The following ROBO1 variants were observed in gnomAD, a reference collection of about 807,000 sequenced individuals.
ROBO1 encodes the protein roundabout homolog 1.
Under a neutral mutation model 195.9 loss-of-function variants are expected in ROBO1, and 149 were observed. That is an observed-to-expected ratio of 0.76 (90% CI 0.67 to 0.87). ROBO1 has a LOEUF of 0.87. ROBO1 is among the 40% of genes least tolerant of loss of function. The pLI, the probability that ROBO1 is intolerant of heterozygous loss-of-function variation, is 0.00. For synonymous variants in ROBO1, 816 were observed against 733.2 expected, an observed-to-expected ratio of 1.11 and a Z score of -1.82; for missense variants, 1,933 against 2,068.3, an observed-to-expected ratio of 0.93 and a Z score of 1.27.
chr3:79,238,305 G>T (rs962435050), intron 2 of ROBO1, among the ~76,000 whole-genome samples: 1 of 152,068 alleles, frequency 6.6e-6, no homozygotes, highest in South Asian at 2.1e-4. Context: ...AAATATTACC[G>T]CTATCCCATC....
chr3:79,356,378 G>A (rs1159121771), intron 2 of ROBO1, among the ~76,000 whole-genome samples: 1 of 151,790 alleles, frequency 6.6e-6, no homozygotes, highest in Non-Finnish European at 1.5e-5. Context: ...TATTTTAACA[G>A]AGATGATACA....
intron 2 of ROBO1, among the ~76,000 whole-genome samples, chr3:79,348,918 G>A (rs190191028): frequency 4.0e-4 from 61 of 152,142 alleles, no homozygotes; most frequent in East Asian, 2.9e-3. Flanking sequence ...ATGAAAACGC[G>A]AAAGTTTAAC....
chr3:79,692,469 A>G (rs1947324651), intron 1 of ROBO1, among the ~76,000 whole-genome samples: 1 of 151,888 alleles, frequency 6.6e-6, no homozygotes, highest in Non-Finnish European at 1.5e-5. Flanking sequence ...AGGAGCAAGT[A>G]GAAGGAAACT....
chr3:79,101,381 C>A (rs533460629), intron 3 of ROBO1, among the ~76,000 whole-genome samples: 2 of 151,858 alleles, frequency 1.3e-5, no homozygotes, highest in African/African-American at 2.4e-5. Flanking sequence ...TCACTGTAAA[C>A]AAAATTTTAC....
chr3:78,916,711 A>C (rs1457005383), intron 4 of ROBO1, among the ~76,000 whole-genome samples: 1 of 152,208 alleles, frequency 6.6e-6, no homozygotes, highest in Non-Finnish European at 1.5e-5. Flanking sequence ...GTATGGTATT[A>C]TAATCATTCG....
intron 10 of ROBO1, among the ~76,000 whole-genome samples, chr3:78,675,924 C>A (rs1305440292): frequency 6.6e-6 from 1 of 152,070 alleles, no homozygotes; most frequent in Non-Finnish European, 1.5e-5. Flanking sequence ...GGAGGCACCC[C>A]CAAGTAGGGG....
At chr3:79,285,994 G>C (rs1022655188) in intron 2 of ROBO1, among the ~76,000 whole-genome samples, 1 of 152,162 alleles carries the variant, frequency 6.6e-6, no homozygotes, top group South Asian at 2.1e-4. Flanking sequence ...ATTATTTGAA[G>C]TCTATTCTGG....
At chr3:79,763,986 G>T (rs1213328771) in intron 1 of ROBO1, among the ~76,000 whole-genome samples, 2 of 152,188 alleles carry the variant, frequency 1.3e-5, no homozygotes, top group Non-Finnish European at 2.9e-5. Context: ...TACTAGAAAA[G>T]CATGTACTCT....
intron 2 of ROBO1, among the ~76,000 whole-genome samples, chr3:79,577,993 CA>C (rs962162284): frequency 6.6e-6 from 1 of 151,830 alleles, no homozygotes; most frequent in Non-Finnish European, 1.5e-5. Flanking sequence ...AAAAAGTGGG[CA>C]AAAAGTCTGA....
chr3:79,546,131 A>G (rs933913592), intron 2 of ROBO1, among the ~76,000 whole-genome samples: 1 of 152,132 alleles, frequency 6.6e-6, no homozygotes, highest in African/African-American at 2.4e-5. Context: ...TGTATAATAC[A>G]TACATTAATA....
intron 2 of ROBO1, among the ~76,000 whole-genome samples, chr3:79,267,858 A>C (rs985359147): frequency 3.3e-5 from 5 of 151,512 alleles, no homozygotes; most frequent in Non-Finnish European, 7.4e-5. Context: ...CTAACTTTGT[A>C]TGTTTCTTAT....
chr3:79,547,352 T>C (rs1394568831), intron 2 of ROBO1, among the ~76,000 whole-genome samples: 96 of 151,052 alleles, frequency 6.4e-4, no homozygotes, highest in Non-Finnish European at 1.8e-4. Flanking sequence ...TTTGGAGGAG[T>C]CTGCAGATTT....
intron 2 of ROBO1, among the ~76,000 whole-genome samples, chr3:79,361,570 A>G (rs2109305297): frequency 6.6e-6 from 1 of 152,236 alleles, no homozygotes; most frequent in South Asian, 2.1e-4. Context: ...TTTGTAGAAG[A>G]CATTAATAAA....
chr3:78,920,362 T>C (rs1560000962), intron 4 of ROBO1, among the ~76,000 whole-genome samples: 1 of 152,100 alleles, frequency 6.6e-6, no homozygotes, highest in Non-Finnish European at 1.5e-5. Flanking sequence ...TGGAGTACAG[T>C]GGCACAATCT....
At chr3:78,823,939 T>A (rs751295959) in intron 4 of ROBO1, among the ~76,000 whole-genome samples, 3 of 152,138 alleles carry the variant, frequency 2.0e-5, no homozygotes, top group Non-Finnish European at 4.4e-5. Context: ...ACCTTATGAA[T>A]AAATGAGTAG....
Position 78,661,217 on chromosome 3 carries a change from A to G in ROBO1, c.2133T>C (p.Tyr711=). ...CTCCGTGGTTGGCTCCAGATGGCCGATAGAGAATTTTATATCCTTGTATAT... is the reference window on the plus strand; with the variant it reads ...CTCCGTGGTTGGCTCCAGATGGCCGGTAGAGAATTTTATATCCTTGTATAT... ...SQYIQGYKIL[Y]RPSGANHGES... Residue 711 remains tyrosine (Y), a synonymous_variant, in exon 16 of 31, where the codon TAT becomes TAC. Transcript: ENST00000464233. 6.2e-7 allele frequency: 1 copy of G among 1,612,994 alleles called. No individual in the cohort carries two copies. The highest frequency in any genetic ancestry group is 8.5e-7 in the Non-Finnish European group (1 of 1,179,414).
At chr3:79,693,244 A>T (rs1381940879) in intron 1 of ROBO1, among the ~76,000 whole-genome samples, 1 of 151,872 alleles carries the variant, frequency 6.6e-6, no homozygotes. Context: ...CATCTTTTAT[A>T]GCATACATAC....
chr3:78,670,755 G>T (rs962438171), intron 10 of ROBO1, among the ~76,000 whole-genome samples: 12 of 152,056 alleles, frequency 7.9e-5, no homozygotes, highest in Non-Finnish European at 1.6e-4. Flanking sequence ...CAGAAAAAAA[G>T]AAACAAGGTA....
intron 2 of ROBO1, among the ~76,000 whole-genome samples, chr3:79,574,116 A>G (rs1943369232): frequency 6.6e-6 from 1 of 152,126 alleles, no homozygotes; most frequent in Non-Finnish European, 1.5e-5. Context: ...CAGGTCGCTT[A>G]TAAGTGTTGT....
Sources: allele counts gnomAD v4.1 joint callset (sites outside exome capture counted in the v4.1 genomes callset), GRCh38; gene constraint gnomAD v4.1.1; transcripts MANE v1.5; gene names NCBI Gene and HGNC (gene_info 2026-07-23, HGNC 2026-07-21).